MAP3K13: variants seen among roughly 807,000 people sequenced by gnomAD.
MAP3K13 encodes the protein mitogen-activated protein kinase kinase kinase 13.
MAP3K13 carries 52 observed loss-of-function variants against 104.0 expected under a neutral mutation model. The ratio of observed to expected loss-of-function variants is 0.50; its 90% CI spans 0.40 to 0.63. The LOEUF is 0.63. Among genes scored for constraint, MAP3K13 ranks in the 20% least tolerant of loss-of-function variants. MAP3K13 has a pLI of 0.00. For missense variants in MAP3K13, 914 were observed against 1,218.5 expected (o/e 0.75, Z 3.72); for synonymous variants, 394 against 442.2 (o/e 0.89, Z 1.37).
At chr3:185,393,833 T>C (rs1263306867) in intron 1 of MAP3K13, among the ~76,000 whole-genome samples, 1 of 152,184 alleles carries the variant, frequency 6.6e-6, no homozygotes, top group East Asian at 1.9e-4. Context: ...CAATCATCTT[T>C]TTTTAACCTA....
At chr3:185,350,140 T>A (rs1723083516) in intron 2 of MAP3K13, among the ~76,000 whole-genome samples, 1 of 152,198 alleles carries the variant, frequency 6.6e-6, no homozygotes, top group South Asian at 2.1e-4. Flanking sequence ...TTGAATCGTA[T>A]TTTCTATATT....
chr3:185,387,647 A>G (rs1201233748), intron 1 of MAP3K13, among the ~76,000 whole-genome samples: 2 of 152,192 alleles, frequency 1.3e-5, no homozygotes, highest in Admixed American at 6.5e-5. Context: ...CTTTCAACAA[A>G]TTAGTCATAG....
chr3:185,345,309 C>G (rs1722878790), intron 2 of MAP3K13, among the ~76,000 whole-genome samples: 1 of 152,154 alleles, frequency 6.6e-6, no homozygotes, highest in South Asian at 2.1e-4. Flanking sequence ...AATCCTCCCA[C>G]CTCCTCAATG....
At chr3:185,389,369 T>A (rs6798106) in intron 1 of MAP3K13, among the ~76,000 whole-genome samples, 3,153 of 152,218 alleles carry the variant, frequency 0.021, 107 homozygotes, top group African/African-American at 0.072. Context: ...CCTATGTATA[T>A]AATAGGAATA....
At position 185,467,039 on chromosome 3, in the gene MAP3K13, C is replaced by T. The variant is rs1048444664; in HGVS notation, c.1643+76C>T. On this transcript the variant is annotated intron_variant, in intron 10 of 13. Coordinates refer to ENST00000265026, the MANE Select transcript of MAP3K13 (RefSeq NM_004721.5). Reference sequence around the variant, plus strand: ...CCACAAATCCATTCTCACATGATGGCGGATGTGGCCTCTTCTTTAGCTCAT... The same window carrying T: ...CCACAAATCCATTCTCACATGATGGTGGATGTGGCCTCTTCTTTAGCTCAT... 3.8e-5 allele frequency: 58 copies of T among 1,527,740 alleles called. 1 individual carries two copies. The highest frequency in any genetic ancestry group is 1.5e-4 in the South Asian group (13 of 87,208). The allele number at this position is 1,527,740 out of a possible 1,614,324, so 94.6% of individuals were successfully genotyped here.
chr3:185,359,140 C>T (rs1723497033), upstream of MAP3K13, among the ~76,000 whole-genome samples: 4 of 152,082 alleles, frequency 2.6e-5, no homozygotes, highest in South Asian at 6.2e-4. Context: ...GCTGGGGAAA[C>T]CTCGCAATTA....
At chr3:185,480,774 T>G (rs551506025) in intron 13 of MAP3K13, among the ~76,000 whole-genome samples, 1 of 152,164 alleles carries the variant, frequency 6.6e-6, no homozygotes, top group African/African-American at 2.4e-5. Context: ...GGAAACACAA[T>G]CATGGCAGAA....
chr3:185,373,379 C>T (rs1056027393), intron 1 of MAP3K13, among the ~76,000 whole-genome samples: 5 of 152,170 alleles, frequency 3.3e-5, no homozygotes, highest in African/African-American at 9.7e-5. Flanking sequence ...AGCTGGCTCA[C>T]GCTTGTAATT....
At chr3:185,285,529 CTG>C (rs1720477482) in exon 2 of MAP3K13, 3 of 1,233,158 alleles carry the variant, frequency 2.4e-6, no homozygotes, top group Non-Finnish European at 3.4e-6. Flanking sequence ...TTGCAGAACA[CTG>C]AAATCTATGG....
intron 1 of MAP3K13, chr3:185,417,375 A>C: frequency 9.5e-7 from 1 of 1,048,022 alleles, no homozygotes; most frequent in Non-Finnish European, 1.4e-6. Context: ...AAACACTGAT[A>C]TATGTTCTTT....
chr3:185,302,355 G>C (rs1391827915), intron 2 of MAP3K13, among the ~76,000 whole-genome samples: 1 of 151,918 alleles, frequency 6.6e-6, no homozygotes, highest in Non-Finnish European at 1.5e-5. Flanking sequence ...AGAGGTTGCA[G>C]TGAGCTGAGA....
intron 2 of MAP3K13, among the ~76,000 whole-genome samples, chr3:185,311,738 G>T (rs551552280): frequency 6.6e-6 from 1 of 152,212 alleles, no homozygotes; most frequent in East Asian, 1.9e-4. Context: ...AGCAAAGTGG[G>T]CAGATACTTA....
intron 1 of MAP3K13, among the ~76,000 whole-genome samples, chr3:185,371,195 T>C (rs2108749998): frequency 6.6e-6 from 1 of 152,262 alleles, no homozygotes; most frequent in East Asian, 1.9e-4. Flanking sequence ...AACAAAAAAC[T>C]CCCTTTTCAT....
chr3:185,417,783 T>C, intron 1 of MAP3K13: 1 of 1,612,164 alleles, frequency 6.2e-7, no homozygotes, highest in South Asian at 1.1e-5. Context: ...GCATGGTCTT[T>C]GCATATGGGT....
chr3:185,431,093 A>G (rs1219838384), intron 2 of MAP3K13, among the ~76,000 whole-genome samples: 1 of 152,198 alleles, frequency 6.6e-6, no homozygotes, highest in Non-Finnish European at 1.5e-5. Context: ...GCACTCACTC[A>G]CTATCACCAG....
In MAP3K13 at chr3:185,480,392, C is replaced by T; in HGVS notation, c.2662C>T (p.Leu888=). The T allele has an allele frequency of 6.2e-7, 1 of 1,614,192 alleles. No individual in the cohort carries two copies. Among genetic ancestry groups the T allele is most frequent in the Admixed American group, 1.7e-5 (1 of 60,032 alleles). Residue 888 remains leucine (L), a synonymous_variant, in exon 13 of 14, where the codon CTG becomes TTG. Transcript: ENST00000265026. ...EDRLAEKLDD[L]LSQTPEIPID... Reference sequence around the variant, plus strand: ...CCGCTTGGCAGAGAAGCTAGACGACCTGCTGTCCCAGACGCCAGAGATTCC... The same window carrying T: ...CCGCTTGGCAGAGAAGCTAGACGACTTGCTGTCCCAGACGCCAGAGATTCC...
intron 2 of MAP3K13, among the ~76,000 whole-genome samples, chr3:185,311,740 A>G (rs1441363854): frequency 6.6e-6 from 1 of 152,206 alleles, no homozygotes; most frequent in Non-Finnish European, 1.5e-5. Flanking sequence ...CAAAGTGGGC[A>G]GATACTTAGG....
chr3:185,465,338 C>G (rs1316040286), intron 8 of MAP3K13, among the ~76,000 whole-genome samples: 1 of 152,168 alleles, frequency 6.6e-6, no homozygotes, highest in East Asian at 1.9e-4. Context: ...CTGGGGGGCA[C>G]AAACATTCAG....
At chr3:185,382,447 G>C (rs1489056946) in intron 1 of MAP3K13, among the ~76,000 whole-genome samples, 1 of 152,160 alleles carries the variant, frequency 6.6e-6, no homozygotes, top group East Asian at 1.9e-4. Context: ...CAAGAAACAG[G>C]AGAAAAATTG....
Sources: gnomAD v4.1 joint callset for allele counts (sites outside exome capture counted in the v4.1 genomes callset) on GRCh38, gnomAD v4.1.1 for gene constraint, MANE v1.5 for transcripts, NCBI Gene and HGNC (gene_info 2026-07-23, HGNC 2026-07-21) for gene names.